CDH6: variants seen among roughly 807,000 people sequenced by gnomAD.
CDH6 encodes cadherin-6.
Under a neutral mutation model 78.0 loss-of-function variants are expected in CDH6, and 31 were observed. The ratio of observed to expected loss-of-function variants is 0.40; its 90% confidence interval spans 0.30 to 0.54. The LOEUF (loss-of-function observed/expected upper bound fraction) is 0.54, where lower values mean the gene tolerates loss of function less well. CDH6 is among the 20% of genes least tolerant of loss of function. CDH6 has a pLI of 0.56. For synonymous variants in CDH6, 376 were observed against 368.8 expected, an observed-to-expected ratio of 1.02 and a Z score of -0.23; for missense variants, 724 against 975.9, an observed-to-expected ratio of 0.74 and a Z score of 3.44.
chr5:31,269,666 T>C (rs901048103), intron 2 of CDH6, among the ~76,000 whole-genome samples: 4 of 152,206 alleles, frequency 2.6e-5, no homozygotes, highest in Admixed American at 6.5e-5. Flanking sequence ...ATATTGACTT[T>C]CATATCACTG....
At chr5:31,287,293 A>G (rs1239069654) in intron 2 of CDH6, among the ~76,000 whole-genome samples, 1 of 152,160 alleles carries the variant, frequency 6.6e-6, no homozygotes, top group East Asian at 1.9e-4. Flanking sequence ...TTCCAGTTCT[A>G]TATTAGGACT....
At chr5:31,280,364 A>T (rs1384045824) in intron 2 of CDH6, among the ~76,000 whole-genome samples, 3 of 152,020 alleles carry the variant, frequency 2.0e-5, no homozygotes. Context: ...CCACATAACC[A>T]CTCTCTAGTT....
intron 1 of CDH6, among the ~76,000 whole-genome samples, chr5:31,264,034 C>A (rs903008009): frequency 6.6e-6 from 1 of 152,198 alleles, no homozygotes; most frequent in Admixed American, 6.5e-5. Context: ...TATTCTTCTT[C>A]TTCATGCAAA....
At chr5:31,272,178 C>A (rs1180548936) in intron 2 of CDH6, among the ~76,000 whole-genome samples, 1 of 152,160 alleles carries the variant, frequency 6.6e-6, no homozygotes, top group Non-Finnish European at 1.5e-5. Context: ...TTGCCAGGAC[C>A]TCCCAATTAA....
intron 1 of CDH6, among the ~76,000 whole-genome samples, chr5:31,257,960 C>A (rs1314914200): frequency 6.6e-6 from 1 of 152,178 alleles, no homozygotes; most frequent in Non-Finnish European, 1.5e-5. Flanking sequence ...GCTATGTACT[C>A]TGGGCAAAGT....
At position 31,325,341 on chromosome 5, in the gene CDH6, C is replaced by T. The variant is rs181458331; in HGVS notation, c.*2033C>T. Reference sequence around the variant, plus strand: ...ACACATACACACACACACACACACACACACACACACACACGAATGCAAACA... The same window carrying T: ...ACACATACACACACACACACACACATACACACACACACACGAATGCAAACA... On this transcript the variant is annotated 3_prime_UTR_variant, in exon 12 of 12. Coordinates refer to ENST00000265071, the MANE Select transcript of CDH6 (RefSeq NM_004932.4). 2,203 of 232,260 alleles carry T rather than the reference C, an allele frequency of 9.5e-3. 53 individuals are homozygous for T. Among genetic ancestry groups the T allele is most frequent in the African/African-American group, 0.045 (2,054 of 45,288 alleles). The allele number at this position is 232,260 out of a possible 1,614,324, so 14.4% of individuals were successfully genotyped here.
intron 7 of CDH6, 67 bp from the exon 8 acceptor site, chr5:31,313,251 A>T: frequency 3.6e-6 from 5 of 1,397,138 alleles, no homozygotes; most frequent in Non-Finnish European, 5.0e-6. Flanking sequence ...ATGTTTTATG[A>T]TGTTCTATGA....
chr5:31,254,168 G>A (rs904561488), intron 1 of CDH6, among the ~76,000 whole-genome samples: 1 of 152,090 alleles, frequency 6.6e-6, no homozygotes, highest in African/African-American at 2.4e-5. Context: ...TAGCCCTCGT[G>A]GTTATCAAAT....
intron 1 of CDH6, among the ~76,000 whole-genome samples, chr5:31,200,565 C>CAT (rs1274867755): frequency 7.7e-6 from 1 of 129,710 alleles, no homozygotes; most frequent in Non-Finnish European, 1.6e-5. Flanking sequence ...TTCACACATA[C>CAT]ATACACACAC....
At chr5:31,199,228 T>TAC (rs902756760) in intron 1 of CDH6, among the ~76,000 whole-genome samples, 1 of 150,684 alleles carries the variant, frequency 6.6e-6, no homozygotes, top group Admixed American at 6.6e-5. Flanking sequence ...TACACACACA[T>TAC]ACACACACAC....
At position 31,196,677 on chromosome 5, in the gene CDH6, T is replaced by C. The variant is rs183544863; in HGVS notation, c.-129+2791T>C. Among the ~76,000 whole-genome samples the C allele has an allele frequency of 4.6e-5, 7 of 152,326 alleles. No homozygotes were observed. The East Asian group carries it at 1.3e-3, about 29-fold the overall frequency. On this transcript the variant is annotated intron_variant, in intron 1 of 11. Coordinates refer to ENST00000265071, the MANE Select transcript of CDH6 (RefSeq NM_004932.4). ...TCTCTAAGCACTATCTTAATATTTG[T>C]GACAGGTCAAATCATTATTGCTATT...
chr5:31,252,328 G>GTGTGTGTGTGTGTGTGT (rs1554006112), intron 1 of CDH6, among the ~76,000 whole-genome samples: 15 of 148,922 alleles, frequency 1.0e-4, no homozygotes, highest in Admixed American at 2.0e-4. Flanking sequence ...ATGTGTGTGT[G>GTGTGTGTGTGTGTGTGT]GTGTGTGTGT....
chr5:31,238,266 C>T (rs1741504434), intron 1 of CDH6, among the ~76,000 whole-genome samples: 1 of 152,136 alleles, frequency 6.6e-6, no homozygotes, highest in South Asian at 2.1e-4. Flanking sequence ...TTTAAGTGTT[C>T]TTTAAAACAA....
chr5:31,243,339 A>G (rs1391688096), intron 1 of CDH6, among the ~76,000 whole-genome samples: 1 of 152,188 alleles, frequency 6.6e-6, no homozygotes, highest in Admixed American at 6.5e-5. Context: ...TCTTTAAGCC[A>G]GACCACATCA....
At chr5:31,290,010 C>T (rs1327394610) in intron 2 of CDH6, among the ~76,000 whole-genome samples, 1 of 151,626 alleles carries the variant, frequency 6.6e-6, no homozygotes, top group Admixed American at 6.6e-5. Flanking sequence ...AATCCCGGCA[C>T]TTTGGGAGGC....
chr5:31,239,946 A>T (rs1437674493), intron 1 of CDH6, among the ~76,000 whole-genome samples: 1 of 152,202 alleles, frequency 6.6e-6, no homozygotes, highest in Non-Finnish European at 1.5e-5. Context: ...TTTCAGATAA[A>T]TGAATAGGAT....
chr5:31,194,162 G>C (rs1257082795), intron 1 of CDH6, among the ~76,000 whole-genome samples: 1 of 152,086 alleles, frequency 6.6e-6, no homozygotes, highest in Admixed American at 6.5e-5. Flanking sequence ...TCCGCCGTGG[G>C]GCTGGGTGGG....
chr5:31,243,379 T>C (rs1462009888), intron 1 of CDH6, among the ~76,000 whole-genome samples: 5 of 152,176 alleles, frequency 3.3e-5, no homozygotes, highest in African/African-American at 1.2e-4. Context: ...GATGGCCTGC[T>C]ATGGCCAGCA....
At chr5:31,242,009 C>T (rs1741616424) in intron 1 of CDH6, among the ~76,000 whole-genome samples, 1 of 152,166 alleles carries the variant, frequency 6.6e-6, no homozygotes, top group African/African-American at 2.4e-5. Context: ...CTTATTTCCC[C>T]TTGATAATCA....
Sources: gnomAD v4.1 joint callset for allele counts (sites outside exome capture counted in the v4.1 genomes callset) on GRCh38, gnomAD v4.1.1 for gene constraint, MANE v1.5 for transcripts, NCBI Gene and HGNC (gene_info 2026-07-23, HGNC 2026-07-21) for gene names.